Variants in MCU observed in about 807,000 individuals in gnomAD.
MCU encodes the protein mitochondrial calcium uniporter.
Under a neutral mutation model 45.2 loss-of-function variants are expected in MCU, and 12 were observed. That is an observed-to-expected ratio of 0.27 (90% confidence interval 0.17 to 0.43). The LOEUF (loss-of-function observed/expected upper bound fraction) is 0.43, where lower values mean the gene tolerates loss of function less well. MCU is among the 20% of genes least tolerant of loss of function. MCU has a pLI of 1.00. For missense variants in MCU, 324 were observed against 436.7 expected, an observed-to-expected ratio of 0.74 and a Z score of 2.30; for synonymous variants, 160 against 165.1, an observed-to-expected ratio of 0.97 and a Z score of 0.24.
chr10:72,724,231 T>C (rs1434306973), intron 1 of MCU, among the ~76,000 whole-genome samples: 2 of 152,228 alleles, frequency 1.3e-5, no homozygotes, highest in African/African-American at 2.4e-5. Context: ...GTAGAAGGTA[T>C]CAGAATTACT....
intron 1 of MCU, among the ~76,000 whole-genome samples, chr10:72,737,238 AG>A (rs1256635111): frequency 1.3e-5 from 2 of 152,240 alleles, no homozygotes; most frequent in African/African-American, 4.8e-5. Flanking sequence ...AAAGAACAGA[AG>A]TCACTAATGT....
At chr10:72,699,696 A>C (rs2132647068) in intron 1 of MCU, among the ~76,000 whole-genome samples, 1 of 150,204 alleles carries the variant, frequency 6.7e-6, no homozygotes, top group East Asian at 2.0e-4. Flanking sequence ...GGTTCAAGTG[A>C]TTCTGCTGCC....
chr10:72,733,711 A>T (rs1381296520), intron 1 of MCU, among the ~76,000 whole-genome samples: 3 of 147,098 alleles, frequency 2.0e-5, no homozygotes, highest in Admixed American at 6.8e-5. Context: ...ATATTTTTTT[A>T]AAGAACATTT....
chr10:72,845,746 G>T (rs1429407212), intron 2 of MCU, among the ~76,000 whole-genome samples: 1 of 152,024 alleles, frequency 6.6e-6, no homozygotes, highest in Admixed American at 6.5e-5. Context: ...TATCCCTGTC[G>T]TTAAGCAATG....
At chr10:72,786,202 G>GT (rs1199901815) in intron 1 of MCU, among the ~76,000 whole-genome samples, 2 of 152,048 alleles carry the variant, frequency 1.3e-5, no homozygotes, top group African/African-American at 2.4e-5. Context: ...TGGCTAGTTT[G>GT]TTTTTTTAAT....
chr10:72,715,163 T>C, intron 1 of MCU: 1 of 985,640 alleles, frequency 1.0e-6, no homozygotes, highest in Non-Finnish European at 1.2e-6. Flanking sequence ...TCTACCTCAC[T>C]CTCCATGTAC....
chr10:72,790,742 G>A (rs569128928), intron 1 of MCU, among the ~76,000 whole-genome samples: 5 of 152,228 alleles, frequency 3.3e-5, no homozygotes, highest in Non-Finnish European at 4.4e-5. Flanking sequence ...TACTAGGCAC[G>A]CTTTATGCCA....
intron 2 of MCU, among the ~76,000 whole-genome samples, chr10:72,849,216 G>C (rs1455407578): frequency 6.6e-6 from 1 of 150,998 alleles, no homozygotes; most frequent in Non-Finnish European, 1.5e-5. Flanking sequence ...GGGAGGCGCA[G>C]GTTGCCGTGA....
intron 1 of MCU, chr10:72,736,392 G>A (rs1360711391): frequency 6.6e-6 from 1 of 152,154 alleles, no homozygotes; most frequent in African/African-American, 2.4e-5. Context: ...CTGTCTAAAG[G>A]TTTAGTCCTA....
intron 1 of MCU, chr10:72,712,177 G>A (rs1488630575): frequency 6.6e-6 from 1 of 152,026 alleles, no homozygotes; most frequent in Non-Finnish European, 1.5e-5. Context: ...AATATTCTGG[G>A]GGACAGGAAA....
chr10:72,844,683 C>G (rs1996906), intron 2 of MCU, among the ~76,000 whole-genome samples: 85,118 of 151,980 alleles, frequency 0.56, 25,201 homozygotes, highest in Non-Finnish European at 0.67. Context: ...AAATGACAAT[C>G]TTATATTTTG....
At chr10:72,757,661 A>C (rs971523618) in intron 1 of MCU, among the ~76,000 whole-genome samples, 7 of 152,204 alleles carry the variant, frequency 4.6e-5, no homozygotes, top group Non-Finnish European at 1.0e-4. Context: ...CTGAAGAGAT[A>C]ATTTGAAGAG....
At chr10:72,735,668 A>G (rs544629496) in intron 1 of MCU, among the ~76,000 whole-genome samples, 69 of 152,334 alleles carry the variant, frequency 4.5e-4, no homozygotes, top group Middle Eastern at 3.4e-3. Context: ...AGCTGTTGTA[A>G]GGTAGAGTGG....
intron 1 of MCU, among the ~76,000 whole-genome samples, chr10:72,699,558 T>C (rs1215700004): frequency 6.6e-6 from 1 of 150,558 alleles, no homozygotes; most frequent in South Asian, 2.1e-4. Context: ...TAAGACCTTA[T>C]ATTGAGGAAA....
intron 6 of MCU, among the ~76,000 whole-genome samples, chr10:72,875,271 A>G (rs1010773091): frequency 2.6e-5 from 4 of 152,206 alleles, no homozygotes; most frequent in African/African-American, 9.7e-5. Context: ...AAATAAAAAT[A>G]TATTGGGGAA....
intron 1 of MCU, among the ~76,000 whole-genome samples, chr10:72,773,111 G>A (rs1843836911): frequency 6.6e-6 from 1 of 152,074 alleles, no homozygotes; most frequent in Admixed American, 6.6e-5. Context: ...TGGCCAGGCT[G>A]GTCTTGAATT....
Position 72,694,358 on chromosome 10 carries a change from C to G in MCU, c.150+2057C>G, listed in dbSNP as rs931920151. Reference sequence around the variant, plus strand: ...AGAGACTTGGCCAAGGTTACGTTAGCTAATACGTAAGTTTTAGGACTCCCA... The same window carrying G: ...AGAGACTTGGCCAAGGTTACGTTAGGTAATACGTAAGTTTTAGGACTCCCA... On this transcript the variant is annotated intron_variant, in intron 1 of 7. Coordinates refer to ENST00000373053, the MANE Select transcript of MCU (RefSeq NM_138357.3). Among the ~76,000 whole-genome samples, 4 of 152,246 alleles carry G rather than the reference C, an allele frequency of 2.6e-5. No homozygotes were observed. In the East Asian group the frequency reaches 7.7e-4, roughly 29 times the overall value.
At chr10:72,729,304 A>T (rs1843139961) in intron 1 of MCU, among the ~76,000 whole-genome samples, 1 of 152,196 alleles carries the variant, frequency 6.6e-6, no homozygotes, top group East Asian at 1.9e-4. Flanking sequence ...ATCTCTACTA[A>T]AAATACAAAA....
intron 1 of MCU, among the ~76,000 whole-genome samples, chr10:72,755,594 A>G (rs998424192): frequency 2.0e-5 from 3 of 152,258 alleles, no homozygotes; most frequent in African/African-American, 4.8e-5. Context: ...GCATAAATAT[A>G]GTAAATACAT....
Sources: gnomAD v4.1 joint callset for allele counts (sites outside exome capture counted in the v4.1 genomes callset) on GRCh38, gnomAD v4.1.1 for gene constraint, MANE v1.5 for transcripts, NCBI Gene and HGNC (gene_info 2026-07-23, HGNC 2026-07-21) for gene names.